GPC5: variants seen among roughly 807,000 people sequenced by gnomAD.
GPC5 encodes glypican 5.
GPC5 carries 47 observed loss-of-function variants against 53.9 expected under a neutral mutation model. That is an observed-to-expected ratio of 0.87 (90% confidence interval 0.69 to 1.11). The LOEUF (loss-of-function observed/expected upper bound fraction) is 1.11. GPC5 is among the 50% of genes most tolerant of loss of function. The probability of loss-of-function intolerance (pLI) is 0.00; values close to 1 mark genes in which losing one functional copy is unlikely to be tolerated. For synonymous variants in GPC5, 286 were observed against 263.3 expected, an observed-to-expected ratio of 1.09 and a Z score of -0.84; for missense variants, 748 against 713.1, an observed-to-expected ratio of 1.05 and a Z score of -0.56.
intron 2 of GPC5, among the ~76,000 whole-genome samples, chr13:91,549,379 A>G (rs1196185253): frequency 6.6e-6 from 1 of 152,164 alleles, no homozygotes; most frequent in East Asian, 1.9e-4. Flanking sequence ...GGCACAATAT[A>G]TGAAAAACAT....
chr13:91,435,873 T>C (rs555824195), intron 1 of GPC5, among the ~76,000 whole-genome samples: 1 of 152,218 alleles, frequency 6.6e-6, no homozygotes, highest in African/African-American at 2.4e-5. Context: ...GAGCCTGTTA[T>C]TGGTCTATTC....
chr13:92,208,071 A>G (rs1321718429), intron 7 of GPC5, among the ~76,000 whole-genome samples: 2 of 152,158 alleles, frequency 1.3e-5, no homozygotes, highest in African/African-American at 4.8e-5. Flanking sequence ...GTGCAGGAGG[A>G]ATAGGTCTGA....
At chr13:92,361,433 A>G (rs2043566036) in intron 7 of GPC5, among the ~76,000 whole-genome samples, 1 of 151,790 alleles carries the variant, frequency 6.6e-6, no homozygotes. Context: ...AAAGTCTTTA[A>G]GTTGCTTTAA....
chr13:92,261,618 A>G (rs1182923825), intron 7 of GPC5, among the ~76,000 whole-genome samples: 1 of 152,166 alleles, frequency 6.6e-6, no homozygotes, highest in Non-Finnish European at 1.5e-5. Flanking sequence ...AATTACCACT[A>G]ATTATACCAG....
At chr13:92,253,402 A>G (rs1164535268) in intron 7 of GPC5, among the ~76,000 whole-genome samples, 1 of 147,030 alleles carries the variant, frequency 6.8e-6, no homozygotes, top group Non-Finnish European at 1.5e-5. Context: ...ACTTTATTTA[A>G]GTGGTTTATA....
chr13:92,710,637 G>A (rs573820888), intron 7 of GPC5, among the ~76,000 whole-genome samples: 1 of 152,146 alleles, frequency 6.6e-6, no homozygotes, highest in Non-Finnish European at 1.5e-5. Flanking sequence ...GCCACTTGGG[G>A]ACCTCGCTTA....
At chr13:92,402,938 G>C (rs1566575879) in intron 7 of GPC5, among the ~76,000 whole-genome samples, 1 of 152,114 alleles carries the variant, frequency 6.6e-6, no homozygotes, top group Non-Finnish European at 1.5e-5. Context: ...GCATAGCTCT[G>C]CTTGTTTTTC....
chr13:91,957,992 C>T (rs1331793084), intron 6 of GPC5, among the ~76,000 whole-genome samples: 1 of 151,774 alleles, frequency 6.6e-6, no homozygotes, highest in East Asian at 1.9e-4. Flanking sequence ...AACCAAAAAT[C>T]AATTAATAAA....
chr13:92,830,603 A>T (rs764785254), intron 7 of GPC5, among the ~76,000 whole-genome samples: 68 of 152,282 alleles, frequency 4.5e-4, no homozygotes, highest in Middle Eastern at 3.4e-3. Flanking sequence ...GAACACTGAT[A>T]CTTAAAGCAT....
chr13:92,240,406 C>T lies in GPC5; in HGVS notation c.1561+95417C>T, dbSNP rs181533662. 5.3e-5 allele frequency: 8 copies of T among 152,094 alleles called. No homozygotes were observed. The East Asian group carries it at 1.4e-3, about 26-fold the overall frequency. The allele number at this position is 152,094 out of a possible 1,614,324, so 9.4% of individuals were successfully genotyped here. ...CTCTAGCTAGCCTTTAAGTGTAATA[C>T]TACTTGGCAATAAAATGTATCTCTA... On this transcript the variant is annotated intron_variant, in intron 7 of 7. Transcript: ENST00000377067.
rs546640104 is a variant in GPC5, at chr13:91,737,320, C to T, written c.1154+8655C>T. Among the ~76,000 whole-genome samples the T allele has an allele frequency of 4.6e-5, 7 of 151,442 alleles. No homozygotes were observed. The South Asian group carries it at 1.4e-3, about 31-fold the overall frequency. On this transcript the variant is annotated intron_variant, in intron 4 of 7. Transcript: ENST00000377067. ...CAAGAGTTCAGTTCAAAACAATGGC[C>T]TATAATATTTGTTTAACAATAGTTT...
At chr13:91,998,345 T>C (rs2138748325) in intron 6 of GPC5, among the ~76,000 whole-genome samples, 1 of 152,342 alleles carries the variant, frequency 6.6e-6, no homozygotes, top group Non-Finnish European at 1.5e-5. Flanking sequence ...CTGATGGCAT[T>C]TCTATGTAAC....
At chr13:92,538,146 A>G (rs997937909) in intron 7 of GPC5, among the ~76,000 whole-genome samples, 10 of 152,030 alleles carry the variant, frequency 6.6e-5, no homozygotes, top group African/African-American at 2.4e-4. Context: ...AATAACTTGA[A>G]ATTTTCCAAA....
At chr13:91,772,326 T>G (rs1355504765) in intron 5 of GPC5, among the ~76,000 whole-genome samples, 1 of 152,140 alleles carries the variant, frequency 6.6e-6, no homozygotes, top group Admixed American at 6.6e-5. Flanking sequence ...ATAAAAAAAA[T>G]TAAGTTAATC....
chr13:92,047,360 C>T (rs2040990516), intron 6 of GPC5, among the ~76,000 whole-genome samples: 1 of 151,826 alleles, frequency 6.6e-6, no homozygotes, highest in South Asian at 2.1e-4. Context: ...GAAAAATGTA[C>T]CCAGAATATT....
intron 5 of GPC5, among the ~76,000 whole-genome samples, chr13:91,896,588 G>A (rs1348119413): frequency 2.0e-5 from 3 of 152,110 alleles, no homozygotes; most frequent in Non-Finnish European, 1.5e-5. Flanking sequence ...AAAGGAGAAC[G>A]GGGGAAGTAT....
intron 2 of GPC5, among the ~76,000 whole-genome samples, chr13:91,598,911 A>G (rs1190048891): frequency 6.6e-6 from 1 of 152,136 alleles, no homozygotes; most frequent in East Asian, 1.9e-4. Flanking sequence ...GATTTGCAAT[A>G]CTAGTTAACA....
At chr13:91,445,674 C>T (rs1426313478) in intron 1 of GPC5, among the ~76,000 whole-genome samples, 1 of 152,126 alleles carries the variant, frequency 6.6e-6, no homozygotes, top group Non-Finnish European at 1.5e-5. Flanking sequence ...GGGGTTTTGC[C>T]ATGTTGGCCA....
In GPC5 at chr13:92,721,887, T is replaced by C. The variant is rs562288699; in HGVS notation, c.1562-144395T>C. Among the ~76,000 whole-genome samples the C allele has an allele frequency of 4.9e-4, 74 of 152,124 alleles. 1 individual carries two copies. Among genetic ancestry groups the C allele is most frequent in the African/African-American group, 1.7e-3 (70 of 41,538 alleles). ...TCCTATTTAGGGGTCATTTCCATTA[T>C]AAAACTGTCATTAAGTTCCAGTTCA... On this transcript the variant is annotated intron_variant, in intron 7 of 7. Coordinates refer to ENST00000377067, the MANE Select transcript of GPC5 (RefSeq NM_004466.6).
Sources: gnomAD v4.1 joint callset for allele counts (sites outside exome capture counted in the v4.1 genomes callset) on GRCh38, gnomAD v4.1.1 for gene constraint, MANE v1.5 for transcripts, NCBI Gene and HGNC (gene_info 2026-07-23, HGNC 2026-07-21) for gene names.